Variants in PARN observed in about 807,000 individuals in gnomAD.
The protein encoded by PARN is poly(A)-specific ribonuclease PARN.
Under a neutral mutation model 102.8 loss-of-function variants are expected in PARN, and 71 were observed. The ratio of observed to expected loss-of-function variants is 0.69; its 90% CI spans 0.57 to 0.84. The LOEUF (loss-of-function observed/expected upper bound fraction) is 0.84, where lower values mean the gene tolerates loss of function less well. Ranked by LOEUF, PARN falls within the 40% of genes least tolerant of loss-of-function variation. The pLI is 0.00. For missense variants in PARN, 782 were observed against 760.9 expected, an observed-to-expected ratio of 1.03 and a Z score of -0.33; for synonymous variants, 261 against 252.9, an observed-to-expected ratio of 1.03 and a Z score of -0.30.
intron 21 of PARN, 59 bp downstream of exon 21, chr16:14,551,962 A>G: frequency 9.4e-7 from 1 of 1,060,964 alleles, no homozygotes; most frequent in Non-Finnish European, 1.5e-6. Flanking sequence ...TTAAGGGGGC[A>G]GTGGGAGGGC....
chr16:14,561,661 T>C (rs1000914310), intron 18 of PARN, among the ~76,000 whole-genome samples: 3 of 152,116 alleles, frequency 2.0e-5, no homozygotes, highest in East Asian at 1.9e-4. Context: ...AAAAGTAAAT[T>C]AGCCGGGCAA....
At chr16:14,505,749 A>G (rs952851119) in intron 21 of PARN, among the ~76,000 whole-genome samples, 2 of 152,232 alleles carry the variant, frequency 1.3e-5, no homozygotes, top group Non-Finnish European at 2.9e-5. Flanking sequence ...AATTCACAAA[A>G]TAATATCAAC....
At chr16:14,585,171 G>A (rs535070299) in intron 14 of PARN, among the ~76,000 whole-genome samples, 42 of 152,220 alleles carry the variant, frequency 2.8e-4, no homozygotes, top group Admixed American at 7.2e-4. Flanking sequence ...TACTGCTGCC[G>A]GTCTACCATT....
At chr16:14,615,126 T>C (rs1336960267) in intron 6 of PARN, among the ~76,000 whole-genome samples, 1 of 151,582 alleles carries the variant, frequency 6.6e-6, no homozygotes, top group Admixed American at 6.6e-5. Flanking sequence ...GCCTTGAAAA[T>C]GGAGAGAGAT....
At chr16:14,519,372 C>A (rs940008177) in intron 21 of PARN, among the ~76,000 whole-genome samples, 1 of 148,506 alleles carries the variant, frequency 6.7e-6, no homozygotes, top group African/African-American at 2.5e-5. Flanking sequence ...GGAGGAAGAA[C>A]ATTTTCTGAG....
intron 21 of PARN, among the ~76,000 whole-genome samples, chr16:14,524,130 T>C (rs756908784): frequency 1.3e-4 from 20 of 152,242 alleles, no homozygotes; most frequent in Non-Finnish European, 2.9e-4. Flanking sequence ...TGACTGTAGT[T>C]GATTCTAACC....
At chr16:14,454,221 C>T (rs1467474598) in intron 22 of PARN, among the ~76,000 whole-genome samples, 1 of 152,122 alleles carries the variant, frequency 6.6e-6, no homozygotes, top group African/African-American at 2.4e-5. Flanking sequence ...TGGCTCATGC[C>T]TGTAATCCTA....
intron 10 of PARN, among the ~76,000 whole-genome samples, chr16:14,605,794 G>C (rs1971142211): frequency 6.6e-6 from 1 of 152,202 alleles, no homozygotes; most frequent in Admixed American, 6.5e-5. Context: ...CAGGACAATA[G>C]CTGTGCTTAC....
intron 18 of PARN, among the ~76,000 whole-genome samples, chr16:14,565,411 A>C (rs1226846486): frequency 3.0e-5 from 4 of 131,918 alleles, no homozygotes; most frequent in East Asian, 2.0e-4. Flanking sequence ...AAACAAAGGC[A>C]AAAAAAAAAA....
At chr16:14,465,981 G>C (rs771272071) in intron 22 of PARN, among the ~76,000 whole-genome samples, 40 of 152,260 alleles carry the variant, frequency 2.6e-4, no homozygotes, top group Non-Finnish European at 4.3e-4. Context: ...GAGAATGACA[G>C]GCACTAGGGC....
chr16:14,598,717 T>A (rs1970682419), intron 12 of PARN, among the ~76,000 whole-genome samples: 1 of 152,216 alleles, frequency 6.6e-6, no homozygotes, highest in African/African-American at 2.4e-5. Context: ...CCTCTTCTTT[T>A]ACAAGGCTCT....
chr16:14,567,559 T>G (rs1329675989), intron 18 of PARN, among the ~76,000 whole-genome samples: 1 of 152,202 alleles, frequency 6.6e-6, no homozygotes, highest in Non-Finnish European at 1.5e-5. Flanking sequence ...TGTTACTCCC[T>G]CATGCAAGCA....
intron 21 of PARN, among the ~76,000 whole-genome samples, chr16:14,494,889 T>C (rs983811992): frequency 6.6e-6 from 1 of 152,110 alleles, no homozygotes; most frequent in Non-Finnish European, 1.5e-5. Flanking sequence ...GGGAACAAGA[T>C]AGTGGGAACA....
At chr16:14,620,060 ACT>A (rs1224519799) in intron 5 of PARN, among the ~76,000 whole-genome samples, 1 of 112,282 alleles carries the variant, frequency 8.9e-6, no homozygotes, top group Non-Finnish European at 1.8e-5. Context: ...ACAGAGCAAG[ACT>A]CTGTCTCAAA....
intron 21 of PARN, among the ~76,000 whole-genome samples, chr16:14,546,337 C>G (rs988185838): frequency 1.3e-5 from 2 of 152,182 alleles, no homozygotes; most frequent in African/African-American, 4.8e-5. Context: ...TAGACTGAGG[C>G]AAAGCCAAGT....
rs34664376 is a variant in PARN at position 14,459,032 on chromosome 16, T to TA, written c.1671-11952dup. Among the ~76,000 whole-genome samples the TA allele has an allele frequency of 5.3e-5, 8 of 151,984 alleles. No individual in the cohort carries two copies. In the South Asian group the frequency reaches 8.3e-4, roughly 16 times the overall value. On this transcript the variant is annotated intron_variant, in intron 22 of 23. Transcript: ENST00000437198. ...AGCTGAAAATCAGAGCATCAATCTC[T>TA]AAAAAAAACTGAAACCTTACAGCTA...
intron 5 of PARN, among the ~76,000 whole-genome samples, chr16:14,623,663 G>A (rs1384668182): frequency 1.3e-5 from 2 of 151,474 alleles, no homozygotes; most frequent in African/African-American, 2.4e-5. Flanking sequence ...ATGGTGAAAC[G>A]CTGTCCCCAT....
At chr16:14,556,335 T>G (rs1967688472) in intron 18 of PARN, among the ~76,000 whole-genome samples, 1 of 151,728 alleles carries the variant, frequency 6.6e-6, no homozygotes, top group East Asian at 1.9e-4. Context: ...ATTTTTTGTA[T>G]TTTTAGTACA....
chr16:14,455,850 T>C (rs1961656773), intron 22 of PARN, among the ~76,000 whole-genome samples: 1 of 152,238 alleles, frequency 6.6e-6, no homozygotes, highest in African/African-American at 2.4e-5. Context: ...TGACTCCATG[T>C]GTCGCTGACT....
Sources: gnomAD v4.1 joint callset for allele counts (sites outside exome capture counted in the v4.1 genomes callset) on GRCh38, gnomAD v4.1.1 for gene constraint, MANE v1.5 for transcripts, NCBI Gene and HGNC (gene_info 2026-07-23, HGNC 2026-07-21) for gene names.